SHQ1: variants seen among roughly 807,000 people sequenced by gnomAD.
SHQ1 encodes SHQ1, H/ACA ribonucleoprotein assembly factor.
Under a neutral mutation model 53.8 loss-of-function variants are expected in SHQ1, and 49 were observed. That is an observed-to-expected ratio of 0.91 (90% CI 0.72 to 1.16). SHQ1 has a LOEUF of 1.16. Ranked by LOEUF, SHQ1 falls within the 50% of genes most tolerant of loss-of-function variation. SHQ1 has a pLI of 0.00. For synonymous variants in SHQ1, 243 were observed against 251.0 expected (o/e 0.97, Z 0.30); for missense variants, 738 against 683.1 (o/e 1.08, Z -0.90).
rs115077075 is a variant in SHQ1 at position 72,825,871 on chromosome 3, T to C, written c.600-1320A>G. On this transcript the variant is annotated intron_variant, in intron 5 of 10. Coordinates refer to ENST00000325599, the MANE Select transcript of SHQ1 (RefSeq NM_018130.3). ...TGAGATACTGAAATCACTTAAAAAT[T>C]AGAAAGATCACAGACAACTTACGGA... 7.3e-3 allele frequency among the ~76,000 whole-genome samples: 1,107 copies of C among 152,296 alleles called. 9 individuals carry two copies. Among genetic ancestry groups the C allele is most frequent in the South Asian group, 0.027 (130 of 4,824 alleles).
At chr3:72,785,548 A>G (rs1306120866) in intron 10 of SHQ1, among the ~76,000 whole-genome samples, 1 of 152,338 alleles carries the variant, frequency 6.6e-6, no homozygotes, top group South Asian at 2.1e-4. Context: ...CCCTATTACT[A>G]TAACATCGTG....
At chr3:72,741,510 C>T in the SHQ1 span, among the ~76,000 whole-genome samples, 1 of 151,906 alleles carries the variant, frequency 6.6e-6, no homozygotes, top group South Asian at 2.1e-4. Flanking sequence ...TGCTTGAACC[C>T]AGGAGGCGGA....
downstream of SHQ1, among the ~76,000 whole-genome samples, chr3:72,745,720 GTTTATAAAAGTGCTTTGA>G (rs375694914): frequency 3.0e-3 from 451 of 152,230 alleles, 6 homozygotes; most frequent in African/African-American, 0.01. Context: ...ACACTTTCCA[GTTTATAAAAGTGCTTTGA>G]ACATACAGTC....
Position 72,832,337 on chromosome 3 carries a change from A to T in SHQ1, c.599+32T>A, listed in dbSNP as rs774213978. The T allele has an allele frequency of 9.5e-6, 14 of 1,477,908 alleles. No homozygotes were observed. The Admixed American group carries it at 2.4e-4, about 25-fold the overall frequency. The allele number at this position is 1,477,908 out of a possible 1,614,324, so 91.5% of individuals were successfully genotyped here. A position where few individuals can be genotyped will look rare whatever the true frequency, so the allele number is the denominator to read the frequency against. Reference sequence around the variant, plus strand: ...AAATTTTAAAATAAATGTCAAGTAAATTATTTAATCCTCAAAAATCTCATT... The same window carrying T: ...AAATTTTAAAATAAATGTCAAGTAATTTATTTAATCCTCAAAAATCTCATT... On this transcript the variant is annotated intron_variant, in intron 5 of 10. Coordinates refer to ENST00000325599, the MANE Select transcript of SHQ1 (RefSeq NM_018130.3).
intron 7 of SHQ1, among the ~76,000 whole-genome samples, chr3:72,816,798 G>C (rs532444049): frequency 2.0e-5 from 3 of 152,098 alleles, no homozygotes; most frequent in Non-Finnish European, 4.4e-5. Flanking sequence ...TAAATACTAA[G>C]ATTTCTCTAT....
At chr3:72,844,555 C>T (rs1455508830) in intron 1 of SHQ1, 132 bp from the exon 2 acceptor site, 1 of 753,716 alleles carries the variant, frequency 1.3e-6, no homozygotes, top group Non-Finnish European at 2.4e-6. Context: ...ATTTCTTTCA[C>T]ATTTTAATAA....
chr3:72,745,841 C>CTT (rs112536732), downstream of SHQ1, among the ~76,000 whole-genome samples: 1 of 144,146 alleles, frequency 6.9e-6, no homozygotes. Context: ...TCATCTATTC[C>CTT]TTTTTTTTTT....
chr3:72,790,679 T>C (rs1396773453), intron 10 of SHQ1, among the ~76,000 whole-genome samples: 1 of 152,024 alleles, frequency 6.6e-6, no homozygotes, highest in Non-Finnish European at 1.5e-5. Flanking sequence ...AAATTAAGAA[T>C]AAAACTAGAA....
intron 10 of SHQ1, chr3:72,753,498 T>G (rs1241683797): frequency 6.1e-6 from 6 of 985,270 alleles, no homozygotes; most frequent in Non-Finnish European, 7.2e-6. Context: ...CTGCTGCCTC[T>G]TCACATGTGT....
chr3:72,828,049 C>A (rs989964890), intron 5 of SHQ1, among the ~76,000 whole-genome samples: 1 of 152,116 alleles, frequency 6.6e-6, no homozygotes, highest in Non-Finnish European at 1.5e-5. Context: ...CCACCATGCC[C>A]CGCCTTTTTC....
At chr3:72,748,998 C>G (rs941809882), downstream of SHQ1, among the ~76,000 whole-genome samples, 7 of 148,580 alleles carry the variant, frequency 4.7e-5, no homozygotes, top group Non-Finnish European at 8.9e-5. Flanking sequence ...CACACACACA[C>G]AGGCAGAAGA....
chr3:72,774,382 A>G (rs990279671), intron 10 of SHQ1, among the ~76,000 whole-genome samples: 1 of 152,184 alleles, frequency 6.6e-6, no homozygotes, highest in Admixed American at 6.5e-5. Flanking sequence ...CAATTCGAAG[A>G]TCAACATTAC....
intron 6 of SHQ1, among the ~76,000 whole-genome samples, chr3:72,821,431 G>A (rs1229816781): frequency 2.0e-5 from 3 of 152,158 alleles, no homozygotes; most frequent in Non-Finnish European, 4.4e-5. Flanking sequence ...AGCCTTTGGG[G>A]AGGAAAATCT....
At chr3:72,751,519 T>C (rs1204336887) in intron 10 of SHQ1, among the ~76,000 whole-genome samples, 1 of 140,732 alleles carries the variant, frequency 7.1e-6, no homozygotes, top group Non-Finnish European at 1.5e-5. Flanking sequence ...TATATATATA[T>C]ATATATATAT....
rs150625543 is a variant in SHQ1 at position 72,760,386 on chromosome 3, A to G, written c.1182-9550T>C. ...CGTTTCTTTGTAACTTTCTAAGTGC[A>G]GAAACTCAATGAATATTCAGAAAGG... is the stretch of plus-strand genomic sequence containing the variant. On this transcript the variant is annotated intron_variant, in intron 10 of 10. Coordinates refer to ENST00000325599, the MANE Select transcript of SHQ1 (RefSeq NM_018130.3). 1.5e-4 allele frequency among the ~76,000 whole-genome samples: 23 copies of G among 152,364 alleles called. No homozygotes were observed. In the East Asian group the frequency reaches 1.7e-3, roughly 11 times the overall value.
At chr3:72,848,176 C>T (rs1464878233) in intron 1 of SHQ1, 22 bp downstream of exon 1, 1 of 1,613,704 alleles carries the variant, frequency 6.2e-7, no homozygotes. Context: ...GCCTTTCCTG[C>T]GGCCAGGCAC....
intron 10 of SHQ1, among the ~76,000 whole-genome samples, chr3:72,761,384 C>G (rs549010057): frequency 6.6e-4 from 101 of 152,232 alleles, no homozygotes; most frequent in African/African-American, 2.3e-3. Flanking sequence ...ATTGTCCAGG[C>G]TTGTCTCAAA....
chr3:72,765,550 T>A (rs1409362307), intron 10 of SHQ1, among the ~76,000 whole-genome samples: 1 of 98,986 alleles, frequency 1.0e-5, no homozygotes, highest in Non-Finnish European at 1.8e-5. Context: ...TATATATATA[T>A]ATATATATTT....
chr3:72,773,161 A>C, intron 10 of SHQ1: 1 of 743,760 alleles, frequency 1.3e-6, no homozygotes, highest in Non-Finnish European at 2.5e-6. Flanking sequence ...ATTTTGGAAA[A>C]AGACATAAAA....
Sources: gnomAD v4.1 joint callset for allele counts (sites outside exome capture counted in the v4.1 genomes callset) on GRCh38, gnomAD v4.1.1 for gene constraint, MANE v1.5 for transcripts, NCBI Gene and HGNC (gene_info 2026-07-23, HGNC 2026-07-21) for gene names.